The following RBMS3 variants were observed in gnomAD, a reference collection of about 807,000 sequenced individuals.
RBMS3 encodes the protein RNA-binding motif, single-stranded-interacting protein 3.
In RBMS3, 27 loss-of-function variants were observed where a neutral mutation model predicts 66.8. That is an observed-to-expected ratio of 0.40 (90% CI 0.30 to 0.56). RBMS3 has a LOEUF of 0.56. Ranked by LOEUF, RBMS3 falls within the 20% of genes least tolerant of loss-of-function variation. The pLI, the probability that RBMS3 is intolerant of heterozygous loss-of-function variation, is 0.40. For synonymous variants in RBMS3, 188 were observed against 183.0 expected, an observed-to-expected ratio of 1.03 and a Z score of -0.22; for missense variants, 513 against 549.5, an observed-to-expected ratio of 0.93 and a Z score of 0.66.
intron 1 of RBMS3, among the ~76,000 whole-genome samples, chr3:29,373,507 A>AC (rs2038313128): frequency 6.6e-6 from 1 of 152,188 alleles, no homozygotes; most frequent in African/African-American, 2.4e-5. Flanking sequence ...GTCAGACTTG[A>AC]CCCCTAGACC....
chr3:30,008,582 G>A lies in RBMS3; in HGVS notation c.*4720G>A, dbSNP rs1480785580. 6.6e-6 allele frequency: 1 copy of A among 151,868 alleles called. No homozygotes were observed. The highest frequency in any genetic ancestry group is 1.5e-5 in the Non-Finnish European group (1 of 67,926). 9.4% of individuals were successfully genotyped at this position (151,868 alleles called of 1,614,324 possible). ...ATGCTTCAAAATTTTGAGCTTACTG[G>A]GACTGACAGCCTCTCACTTCAATCT... On this transcript the variant is annotated 3_prime_UTR_variant, in exon 15 of 15. Transcript: ENST00000383767.
chr3:29,362,771 G>C (rs2037676256), intron 1 of RBMS3, among the ~76,000 whole-genome samples: 1 of 152,168 alleles, frequency 6.6e-6, no homozygotes, highest in African/African-American at 2.4e-5. Flanking sequence ...GATATTTTAA[G>C]GTATTTTTAG....
chr3:29,809,276 A>G (rs1332253968), intron 6 of RBMS3, among the ~76,000 whole-genome samples: 1 of 151,672 alleles, frequency 6.6e-6, no homozygotes, highest in East Asian at 1.9e-4. Flanking sequence ...TAAGGACTAC[A>G]ACTACATAGA....
chr3:29,468,614 C>A (rs2042616910), intron 2 of RBMS3, among the ~76,000 whole-genome samples: 1 of 152,070 alleles, frequency 6.6e-6, no homozygotes, highest in Admixed American at 6.6e-5. Context: ...TGTATTAACA[C>A]CGAAAACATG....
intron 1 of RBMS3, among the ~76,000 whole-genome samples, chr3:29,309,528 C>A (rs2125462354): frequency 1.3e-5 from 2 of 150,812 alleles, no homozygotes; most frequent in African/African-American, 2.4e-5. Context: ...TGGCAGTGAT[C>A]ATCACAGCAC....
chr3:29,509,660 C>T (rs139682447), intron 3 of RBMS3, among the ~76,000 whole-genome samples: 138 of 152,312 alleles, frequency 9.1e-4, no homozygotes, highest in Middle Eastern at 3.4e-3. Flanking sequence ...GTGCCTTCCA[C>T]GCTAGCCCAA....
intron 6 of RBMS3, among the ~76,000 whole-genome samples, chr3:29,818,362 TG>T (rs1320460309): frequency 4.6e-5 from 7 of 151,924 alleles, no homozygotes; most frequent in African/African-American, 1.7e-4. Context: ...TGTGAGACGA[TG>T]TTTTTTTACA....
chr3:29,736,395 T>C (rs2054380192), intron 4 of RBMS3, among the ~76,000 whole-genome samples: 1 of 152,348 alleles, frequency 6.6e-6, no homozygotes, highest in East Asian at 1.9e-4. Flanking sequence ...GTATTTATGG[T>C]ACACCATTTT....
intron 3 of RBMS3, among the ~76,000 whole-genome samples, chr3:29,525,687 T>G (rs753459830): frequency 1.2e-4 from 19 of 152,194 alleles, no homozygotes; most frequent in Non-Finnish European, 2.8e-4. Context: ...CTTGTCTCAT[T>G]GAGTTCTTCA....
intron 4 of RBMS3, among the ~76,000 whole-genome samples, chr3:29,696,369 A>G (rs1380034074): frequency 2.0e-5 from 3 of 152,226 alleles, no homozygotes; most frequent in Non-Finnish European, 4.4e-5. Flanking sequence ...AGTGCTGAAT[A>G]AATGGTACCT....
chr3:29,516,920 C>T (rs2044649005), intron 3 of RBMS3, among the ~76,000 whole-genome samples: 1 of 152,030 alleles, frequency 6.6e-6, no homozygotes, highest in African/African-American at 2.4e-5. Context: ...TGCATTAAAA[C>T]ATGAACTTCT....
At chr3:29,962,329 G>T (rs73829211) in intron 12 of RBMS3, among the ~76,000 whole-genome samples, 3 of 151,668 alleles carry the variant, frequency 2.0e-5, no homozygotes, top group African/African-American at 7.3e-5. Flanking sequence ...ATGTGTATCC[G>T]CTATGGAATA....
At chr3:29,567,834 A>G (rs1250124749) in intron 3 of RBMS3, among the ~76,000 whole-genome samples, 1 of 152,182 alleles carries the variant, frequency 6.6e-6, no homozygotes, top group Non-Finnish European at 1.5e-5. Flanking sequence ...AATTCCTTCC[A>G]ACTCATAACA....
At chr3:29,530,589 C>A (rs748100517) in intron 3 of RBMS3, among the ~76,000 whole-genome samples, 2 of 151,690 alleles carry the variant, frequency 1.3e-5, no homozygotes, top group African/African-American at 2.4e-5. Context: ...CTGCCTGGCA[C>A]GGTGGCTCAC....
intron 4 of RBMS3, among the ~76,000 whole-genome samples, chr3:29,608,889 GGGA>G (rs1197251389): frequency 6.6e-6 from 1 of 151,950 alleles, no homozygotes; most frequent in Non-Finnish European, 1.5e-5. Flanking sequence ...GAATAGTAGG[GGGA>G]GGCAGAAGTC....
chr3:29,825,591 T>C (rs903383478), intron 6 of RBMS3, among the ~76,000 whole-genome samples: 5 of 152,258 alleles, frequency 3.3e-5, no homozygotes, highest in East Asian at 1.9e-4. Context: ...CCTGCCGCCA[T>C]GTAAGACATG....
At chr3:29,375,619 T>G (rs111689708) in intron 1 of RBMS3, among the ~76,000 whole-genome samples, 59 of 152,258 alleles carry the variant, frequency 3.9e-4, no homozygotes, top group African/African-American at 1.3e-3. Context: ...GTATTACTAA[T>G]CATTAGAGAA....
chr3:29,864,860 G>A (rs1156774256), intron 6 of RBMS3, among the ~76,000 whole-genome samples: 3 of 143,220 alleles, frequency 2.1e-5, no homozygotes, highest in African/African-American at 7.8e-5. Context: ...AAGGGAAGGG[G>A]AAGGGGAAGA....
intron 6 of RBMS3, among the ~76,000 whole-genome samples, chr3:29,773,029 A>G (rs1388131411): frequency 6.6e-6 from 1 of 152,042 alleles, no homozygotes; most frequent in African/African-American, 2.4e-5. Flanking sequence ...GCTAATCTAA[A>G]TTCATGTAAA....
Sources: allele counts gnomAD v4.1 joint callset (sites outside exome capture counted in the v4.1 genomes callset), GRCh38; gene constraint gnomAD v4.1.1; transcripts MANE v1.5; gene names NCBI Gene and HGNC (gene_info 2026-07-23, HGNC 2026-07-21).